The following COL24A1 variants were observed in gnomAD, a reference collection of about 807,000 sequenced individuals.
COL24A1 encodes collagen type XXIV alpha 1 chain.
Under a neutral mutation model 253.9 loss-of-function variants are expected in COL24A1, and 224 were observed. That is an observed-to-expected ratio of 0.88 (90% CI 0.79 to 0.99). The LOEUF (loss-of-function observed/expected upper bound fraction) is 0.99. Ranked by LOEUF, COL24A1 falls within the 50% of genes least tolerant of loss-of-function variation. COL24A1 has a pLI of 0.00. For synonymous variants in COL24A1, 685 were observed against 673.7 expected (o/e 1.02, Z -0.26); for missense variants, 2,131 against 2,068.5 (o/e 1.03, Z -0.59).
chr1:85,835,407 G>A (rs1370483157), intron 43 of COL24A1, among the ~76,000 whole-genome samples: 2 of 152,102 alleles, frequency 1.3e-5, no homozygotes, highest in Admixed American at 1.3e-4. Flanking sequence ...TGGGATTACA[G>A]GTGTGAGCCA....
intron 18 of COL24A1, among the ~76,000 whole-genome samples, chr1:86,021,845 A>G (rs1697569481): frequency 6.6e-6 from 1 of 152,166 alleles, no homozygotes; most frequent in Non-Finnish European, 1.5e-5. Flanking sequence ...TTGGTCCACA[A>G]GAGAGTGCAA....
intron 47 of COL24A1, among the ~76,000 whole-genome samples, chr1:85,810,834 G>A (rs1002818061): frequency 6.6e-6 from 1 of 152,132 alleles, no homozygotes. Context: ...AGAACTGTAA[G>A]CCAATTAAAC....
intron 2 of COL24A1, among the ~76,000 whole-genome samples, chr1:86,142,387 G>A (rs1228008485): frequency 6.6e-6 from 1 of 151,786 alleles, no homozygotes; most frequent in African/African-American, 2.4e-5. Flanking sequence ...GCTGGGCGTG[G>A]TGGTGGGTGC....
chr1:86,120,409 A>G (rs1183479877), intron 3 of COL24A1, among the ~76,000 whole-genome samples: 9 of 152,218 alleles, frequency 5.9e-5, no homozygotes, highest in Non-Finnish European at 1.3e-4. Flanking sequence ...AAGGGCTAAT[A>G]TCCAGAATCT....
chr1:86,046,225 T>G (rs1450046827), intron 12 of COL24A1, among the ~76,000 whole-genome samples: 2 of 152,196 alleles, frequency 1.3e-5, no homozygotes, highest in African/African-American at 4.8e-5. Context: ...ACTTTTTATC[T>G]TCACAGACTA....
chr1:86,124,388 C>T (rs1282519445), intron 3 of COL24A1, among the ~76,000 whole-genome samples: 1 of 151,898 alleles, frequency 6.6e-6, no homozygotes, highest in African/African-American at 2.4e-5. Flanking sequence ...CTATTTTAAT[C>T]CATTTGATGC....
chr1:85,924,117 C>T (rs1686891085), intron 24 of COL24A1, among the ~76,000 whole-genome samples: 1 of 152,140 alleles, frequency 6.6e-6, no homozygotes, highest in Non-Finnish European at 1.5e-5. Flanking sequence ...AAGACTAAAC[C>T]AGGAAGAAGT....
chr1:86,020,983 A>G (rs1315280905), intron 18 of COL24A1, among the ~76,000 whole-genome samples: 1 of 152,198 alleles, frequency 6.6e-6, no homozygotes, highest in Non-Finnish European at 1.5e-5. Context: ...CTAACATTTC[A>G]TCGAATAGAT....
At chr1:85,901,983 G>A (rs1684361105) in intron 28 of COL24A1, among the ~76,000 whole-genome samples, 1 of 152,112 alleles carries the variant, frequency 6.6e-6, no homozygotes, top group African/African-American at 2.4e-5. Flanking sequence ...AATCAACTAA[G>A]TGTCCTTCAA....
intron 35 of COL24A1, 24 bp downstream of exon 35, chr1:85,874,625 A>G (rs1215382494): frequency 6.2e-7 from 1 of 1,609,840 alleles, no homozygotes; most frequent in East Asian, 2.2e-5. Flanking sequence ...TAGTGTATTA[A>G]AAGAGTTTCA....
At chr1:85,972,864 G>A (rs1446362834) in intron 20 of COL24A1, among the ~76,000 whole-genome samples, 2 of 151,224 alleles carry the variant, frequency 1.3e-5, no homozygotes, top group Non-Finnish European at 1.5e-5. Context: ...AACCATCCAG[G>A]GGACAGCCTG....
Position 85,842,115 on chromosome 1 carries a change from G to A in COL24A1, c.3523C>T (p.Gln1175Ter), listed in dbSNP as rs773642410. The A allele has an allele frequency of 1.2e-6, 2 of 1,613,614 alleles. No individual in the cohort carries two copies. The highest frequency in any genetic ancestry group is 2.2e-5 in the East Asian group (1 of 44,840). The change falls in exon 41 of 60, where the codon CAG becomes TAG. Residue 1175 changes from glutamine (Q) to a stop codon, truncating the protein, a stop_gained. Transcript: ENST00000370571. LOFTEE classifies it high-confidence loss of function. ...EPGIPGYRGH[Q>*]GQPGPSGLPG... The stretch of plus-strand genomic sequence containing the variant: ...AATCCAGAGGGTCCTGGTTGGCCCT[G>A]ATGGCCCTACGAAAGGACAAGTAGA...
intron 7 of COL24A1, among the ~76,000 whole-genome samples, chr1:86,064,337 A>G (rs1172823315): frequency 6.6e-6 from 1 of 152,224 alleles, no homozygotes; most frequent in East Asian, 1.9e-4. Context: ...TATTTTCCAA[A>G]TAATAGAAGC....
intron 28 of COL24A1, among the ~76,000 whole-genome samples, chr1:85,898,460 G>A (rs917161320): frequency 2.6e-5 from 4 of 152,070 alleles, no homozygotes; most frequent in African/African-American, 9.7e-5. Context: ...CCATAGCTCC[G>A]GCCCTACAAT....
intron 7 of COL24A1, among the ~76,000 whole-genome samples, chr1:86,085,462 G>C (rs1702993321): frequency 6.6e-6 from 1 of 152,050 alleles, no homozygotes; most frequent in Admixed American, 6.5e-5. Context: ...TCTGAGTTGT[G>C]GTAAGAGGTG....
chr1:85,921,897 C>A (rs371173633), intron 24 of COL24A1, among the ~76,000 whole-genome samples: 2 of 152,046 alleles, frequency 1.3e-5, no homozygotes, highest in Non-Finnish European at 1.5e-5. Flanking sequence ...TGGAACTCAT[C>A]GCAAGTAAGC....
chr1:86,049,511 C>G (rs1700150873), intron 11 of COL24A1, among the ~76,000 whole-genome samples: 2 of 152,042 alleles, frequency 1.3e-5, no homozygotes. Context: ...CTACTGTTTT[C>G]AATTAATACT....
chr1:86,023,603 A>G (rs74611176), intron 14 of COL24A1, among the ~76,000 whole-genome samples: 9,688 of 152,224 alleles, frequency 0.064, 399 homozygotes, highest in Middle Eastern at 0.12. Context: ...TGTACGAGAC[A>G]CTGTTGAAGA....
intron 7 of COL24A1, among the ~76,000 whole-genome samples, chr1:86,086,324 C>T (rs1369989236): frequency 3.3e-5 from 5 of 152,080 alleles, no homozygotes; most frequent in Non-Finnish European, 5.9e-5. Flanking sequence ...GCCCCAAACC[C>T]AGCTCCAAGT....
Sources: gnomAD v4.1 joint callset for allele counts (sites outside exome capture counted in the v4.1 genomes callset) on GRCh38, gnomAD v4.1.1 for gene constraint, MANE v1.5 for transcripts, NCBI Gene and HGNC (gene_info 2026-07-23, HGNC 2026-07-21) for gene names.